The following PRKG1 variants were observed in gnomAD, a reference collection of about 807,000 sequenced individuals.
The protein encoded by PRKG1 is cGMP-dependent protein kinase 1.
In PRKG1, 35 loss-of-function variants were observed where a neutral mutation model predicts 88.1. The ratio of observed to expected loss-of-function variants is 0.40; its 90% CI spans 0.30 to 0.53. PRKG1 has a LOEUF of 0.53. Ranked by LOEUF, PRKG1 falls within the 20% of genes least tolerant of loss-of-function variation. The probability of loss-of-function intolerance (pLI) is 0.59; values close to 1 mark genes in which losing one functional copy is unlikely to be tolerated. For missense variants in PRKG1, 540 were observed against 839.8 expected (o/e 0.64, Z 4.41); for synonymous variants, 303 against 292.5 (o/e 1.04, Z -0.37).
chr10:51,671,733 C>G (rs1840584934), intron 3 of PRKG1, among the ~76,000 whole-genome samples: 3 of 152,034 alleles, frequency 2.0e-5, no homozygotes. Context: ...ATTACATGCA[C>G]CTGCCACCAT....
chr10:51,028,481 A>G (rs1435254461), intron 1 of PRKG1, among the ~76,000 whole-genome samples: 1 of 152,168 alleles, frequency 6.6e-6, no homozygotes, highest in Admixed American at 6.6e-5. Flanking sequence ...AGTGCTCTAG[A>G]AAAGAATGAG....
chr10:52,166,848 T>TAC (rs1838481548), intron 9 of PRKG1, among the ~76,000 whole-genome samples: 1 of 104,412 alleles, frequency 9.6e-6, no homozygotes, highest in South Asian at 3.5e-4. Context: ...TGTATATATA[T>TAC]GTCTATATAT....
intron 9 of PRKG1, among the ~76,000 whole-genome samples, chr10:52,241,201 T>A (rs1332494897): frequency 2.0e-5 from 3 of 152,154 alleles, no homozygotes; most frequent in Admixed American, 6.5e-5. Context: ...CAGGACTCCA[T>A]GAAATGAAAA....
intron 4 of PRKG1, among the ~76,000 whole-genome samples, chr10:51,857,549 T>C (rs1026113938): frequency 6.6e-6 from 1 of 152,156 alleles, no homozygotes; most frequent in African/African-American, 2.4e-5. Context: ...AGTCCCATAC[T>C]GTGATTTTCT....
chr10:52,078,514 C>A (rs1456164030), intron 7 of PRKG1, among the ~76,000 whole-genome samples: 1 of 152,160 alleles, frequency 6.6e-6, no homozygotes, highest in East Asian at 1.9e-4. Flanking sequence ...CCATACACTA[C>A]CATGAGCTAA....
chr10:51,506,125 C>T (rs1841195332), intron 3 of PRKG1, among the ~76,000 whole-genome samples: 2 of 152,046 alleles, frequency 1.3e-5, no homozygotes, highest in Admixed American at 1.3e-4. Flanking sequence ...AAACTGGATC[C>T]CTTCCTTACA....
chr10:51,794,631 T>A (rs1838963226), intron 3 of PRKG1, among the ~76,000 whole-genome samples: 1 of 152,110 alleles, frequency 6.6e-6, no homozygotes, highest in African/African-American at 2.4e-5. Context: ...ATGTAAAGTG[T>A]TCTCACCACA....
At chr10:51,475,526 A>G (rs906682331) in intron 3 of PRKG1, among the ~76,000 whole-genome samples, 5 of 152,070 alleles carry the variant, frequency 3.3e-5, no homozygotes, top group African/African-American at 4.8e-5. Flanking sequence ...ATTTAAAAGA[A>G]CATTACAGAC....
chr10:52,136,057 G>A (rs1837408513), intron 8 of PRKG1, among the ~76,000 whole-genome samples: 1 of 152,006 alleles, frequency 6.6e-6, no homozygotes, highest in Admixed American at 6.6e-5. Flanking sequence ...TACAAGCTGA[G>A]AGGCATGCAG....
intron 8 of PRKG1, among the ~76,000 whole-genome samples, chr10:52,147,358 C>G (rs1366340153): frequency 6.6e-6 from 1 of 152,162 alleles, no homozygotes; most frequent in Non-Finnish European, 1.5e-5. Flanking sequence ...TATAAATTTT[C>G]TCAGCATCCA....
rs563418523 is a variant in PRKG1, at chr10:51,663,628, G to T, written c.593-140957G>T. ...CCTACTCTGGAGGCTGAGGTGACAG[G>T]ATCACTTGAGCGCAGAAGTTTGAGG... On this transcript the variant is annotated intron_variant, in intron 3 of 17. Transcript: ENST00000373980. Among the ~76,000 whole-genome samples, 13 of 149,884 alleles carry T rather than the reference G, an allele frequency of 8.7e-5. No homozygotes were observed. The South Asian group carries it at 2.3e-3, about 27-fold the overall frequency.
intron 5 of PRKG1, among the ~76,000 whole-genome samples, chr10:51,996,942 C>T (rs1449975330): frequency 6.6e-6 from 1 of 151,846 alleles, no homozygotes; most frequent in Non-Finnish European, 1.5e-5. Context: ...AAAATTCAGC[C>T]ATAAAAAAGG....
At chr10:52,186,181 T>A (rs954176008) in intron 9 of PRKG1, among the ~76,000 whole-genome samples, 13 of 152,188 alleles carry the variant, frequency 8.5e-5, no homozygotes, top group African/African-American at 3.1e-4. Context: ...AGAAGCATAG[T>A]GCTGGCACCT....
chr10:52,224,808 CATATAT>C (rs71032630), intron 9 of PRKG1, among the ~76,000 whole-genome samples: 11,661 of 106,162 alleles, frequency 0.11, 1,203 homozygotes, highest in East Asian at 0.26. Flanking sequence ...AGTATTCCAT[CATATAT>C]ATATATATAT....
intron 3 of PRKG1, among the ~76,000 whole-genome samples, chr10:51,651,450 C>A (rs946603779): frequency 6.6e-6 from 1 of 152,058 alleles, no homozygotes; most frequent in Non-Finnish European, 1.5e-5. Context: ...AATGTCACTT[C>A]CTCTAGGAAG....
chr10:51,350,317 G>A (rs1289630429), intron 2 of PRKG1, among the ~76,000 whole-genome samples: 1 of 152,212 alleles, frequency 6.6e-6, no homozygotes. Flanking sequence ...GGAACCCAGA[G>A]TACAGGAGGT....
chr10:51,785,110 CT>C (rs956679736), intron 3 of PRKG1, among the ~76,000 whole-genome samples: 6 of 147,546 alleles, frequency 4.1e-5, no homozygotes, highest in Admixed American at 3.4e-4. Flanking sequence ...GAAATAGCTT[CT>C]TGATTTCTTC....
At chr10:51,871,548 C>T (rs1216266653) in intron 4 of PRKG1, among the ~76,000 whole-genome samples, 1 of 152,200 alleles carries the variant, frequency 6.6e-6, no homozygotes, top group East Asian at 1.9e-4. Flanking sequence ...GTCCCAGCCC[C>T]AAGCTGTCAG....
At chr10:51,618,935 A>AT (rs3086927) in intron 3 of PRKG1, among the ~76,000 whole-genome samples, 94,045 of 123,536 alleles carry the variant, frequency 0.76, 36,695 homozygotes, top group East Asian at 0.84. Context: ...CACCCAGCTA[A>AT]TTTTTTTTTT....
Sources: gnomAD v4.1 joint callset for allele counts (sites outside exome capture counted in the v4.1 genomes callset) on GRCh38, gnomAD v4.1.1 for gene constraint, MANE v1.5 for transcripts, NCBI Gene and HGNC (gene_info 2026-07-23, HGNC 2026-07-21) for gene names.